Variants in PPARGC1A observed in about 807,000 individuals in gnomAD.
The protein encoded by PPARGC1A is PPARG coactivator 1 alpha, also known as peroxisome proliferator-activated receptor gamma coactivator 1-alpha.
A neutral mutation model predicts 88.7 loss-of-function variants in PPARGC1A; 25 were observed. That is an observed-to-expected ratio of 0.28 (90% confidence interval 0.21 to 0.39). The LOEUF is 0.39. Among genes scored for constraint, PPARGC1A ranks in the 10% least tolerant of loss-of-function variants. The pLI, the probability that PPARGC1A is intolerant of heterozygous loss-of-function variation, is 1.00. For synonymous variants in PPARGC1A, 363 were observed against 355.6 expected (o/e 1.02, Z -0.24); for missense variants, 880 against 968.7 (o/e 0.91, Z 1.22).
the PPARGC1A span, among the ~76,000 whole-genome samples, chr4:24,452,283 G>GCA: frequency 7.6e-6 from 1 of 130,826 alleles, no homozygotes; most frequent in Non-Finnish European, 1.8e-5. Flanking sequence ...ACACACACAC[G>GCA]CACACATGCA....
the PPARGC1A span, among the ~76,000 whole-genome samples, chr4:24,009,294 C>T: frequency 4.6e-5 from 7 of 152,064 alleles, no homozygotes; most frequent in Non-Finnish European, 7.4e-5. Context: ...TTTGAAACTG[C>T]GTCTGCAAGT....
At chr4:23,995,122 C>T in the PPARGC1A span, among the ~76,000 whole-genome samples, 1 of 152,122 alleles carries the variant, frequency 6.6e-6, no homozygotes, top group African/African-American at 2.4e-5. Context: ...TGTATCAAAA[C>T]TCATGTCAAG....
chr4:23,856,241 G>A (rs910521188), intron 2 of PPARGC1A, among the ~76,000 whole-genome samples: 1 of 152,126 alleles, frequency 6.6e-6, no homozygotes, highest in South Asian at 2.1e-4. Flanking sequence ...AATGCCAAAC[G>A]CTGAACTTTT....
chr4:24,016,383 T>G, the PPARGC1A span, among the ~76,000 whole-genome samples: 1 of 152,206 alleles, frequency 6.6e-6, no homozygotes, highest in Non-Finnish European at 1.5e-5. Flanking sequence ...AGTGACTTCA[T>G]GTATAACCAA....
At chr4:23,984,691 T>G in the PPARGC1A span, among the ~76,000 whole-genome samples, 1 of 152,126 alleles carries the variant, frequency 6.6e-6, no homozygotes, top group African/African-American at 2.4e-5. Context: ...TTTCTATATG[T>G]AATTGCATCA....
intron 2 of PPARGC1A, among the ~76,000 whole-genome samples, chr4:23,858,896 TATAA>T (rs1229226042): frequency 6.7e-6 from 1 of 149,952 alleles, no homozygotes; most frequent in Non-Finnish European, 1.5e-5. Flanking sequence ...AATTAAGGTA[TATAA>T]ATATATACTT....
At chr4:23,921,786 C>A in the PPARGC1A span, among the ~76,000 whole-genome samples, 1 of 152,238 alleles carries the variant, frequency 6.6e-6, no homozygotes, top group East Asian at 1.9e-4. Flanking sequence ...AATGAAGGCT[C>A]AATCCTAAAA....
chr4:23,997,497 CT>C, the PPARGC1A span, among the ~76,000 whole-genome samples: 11,231 of 96,742 alleles, frequency 0.12, 213 homozygotes, highest in Non-Finnish European at 0.15. Context: ...CAAGAAAGCC[CT>C]TTTTTTTTTT....
At chr4:24,105,552 T>C in the PPARGC1A span, among the ~76,000 whole-genome samples, 1 of 152,190 alleles carries the variant, frequency 6.6e-6, no homozygotes, top group Admixed American at 6.5e-5. Context: ...CAATGCAGAC[T>C]CTGATTCAGT....
upstream of PPARGC1A, chr4:23,904,133 G>A (rs1719757674): frequency 1.3e-6 from 1 of 797,326 alleles, no homozygotes; most frequent in Non-Finnish European, 1.5e-6. Flanking sequence ...CAAGGGCATG[G>A]TGACGTGGGA....
At chr4:24,395,881 C>T in the PPARGC1A span, among the ~76,000 whole-genome samples, 2 of 152,152 alleles carry the variant, frequency 1.3e-5, no homozygotes, top group South Asian at 4.1e-4. Context: ...CTCCATGCTT[C>T]CACATGACTA....
At chr4:24,167,288 T>G in the PPARGC1A span, among the ~76,000 whole-genome samples, 1 of 152,166 alleles carries the variant, frequency 6.6e-6, no homozygotes, top group Non-Finnish European at 1.5e-5. Flanking sequence ...TGCTACAATC[T>G]CATGATCAAA....
chr4:24,336,511 A>C, the PPARGC1A span, among the ~76,000 whole-genome samples: 3 of 152,344 alleles, frequency 2.0e-5, no homozygotes, highest in African/African-American at 7.2e-5. Flanking sequence ...AGCAATCACT[A>C]TTAAATGTGT....
chr4:23,837,829 G>A (rs967084520), intron 2 of PPARGC1A, among the ~76,000 whole-genome samples: 4 of 152,198 alleles, frequency 2.6e-5, no homozygotes, highest in African/African-American at 9.7e-5. Context: ...AAGAAATACA[G>A]TGGGTCAGAG....
chr4:24,347,951 A>G, the PPARGC1A span, among the ~76,000 whole-genome samples: 28,275 of 152,036 alleles, frequency 0.19, 2,755 homozygotes, highest in South Asian at 0.23. Context: ...TTTGTTTCAA[A>G]ATTTAGAGCC....
the PPARGC1A span, among the ~76,000 whole-genome samples, chr4:24,205,718 G>T: frequency 6.6e-6 from 1 of 152,054 alleles, no homozygotes; most frequent in African/African-American, 2.4e-5. Context: ...TCACTATATG[G>T]TGCAGTTTTT....
At chr4:24,081,259 CATT>C in the PPARGC1A span, among the ~76,000 whole-genome samples, 1 of 152,050 alleles carries the variant, frequency 6.6e-6, no homozygotes, top group Non-Finnish European at 1.5e-5. Context: ...ATTTTGGTCT[CATT>C]AACTCAGATC....
At chr4:23,869,755 A>T (rs1176016915) in intron 2 of PPARGC1A, among the ~76,000 whole-genome samples, 1 of 152,138 alleles carries the variant, frequency 6.6e-6, no homozygotes, top group South Asian at 2.1e-4. Context: ...TGAGTTGTGC[A>T]TTGCTGGGGT....
At chr4:24,392,413 A>G in the PPARGC1A span, among the ~76,000 whole-genome samples, 86 of 152,236 alleles carry the variant, frequency 5.6e-4, 1 homozygote, top group African/African-American at 1.9e-3. Flanking sequence ...ATGATGCCTC[A>G]TGCCTGTTGC....
Sources: gnomAD v4.1 joint callset for allele counts (sites outside exome capture counted in the v4.1 genomes callset) on GRCh38, gnomAD v4.1.1 for gene constraint, MANE v1.5 for transcripts, NCBI Gene and HGNC (gene_info 2026-07-23, HGNC 2026-07-21) for gene names.